Variants in RDX observed in about 807,000 individuals in gnomAD.
RDX encodes radixin.
A neutral mutation model predicts 83.7 loss-of-function variants in RDX; 32 were observed. The ratio of observed to expected loss-of-function variants is 0.38; its 90% CI spans 0.29 to 0.51. The LOEUF (loss-of-function observed/expected upper bound fraction) is 0.51. RDX is among the 20% of genes least tolerant of loss of function. The pLI is 0.87. For missense variants in RDX, 600 were observed against 689.9 expected (o/e 0.87, Z 1.46); for synonymous variants, 229 against 222.7 (o/e 1.03, Z -0.25).
chr11:110,186,888 T>G (rs1302824333), intron 15 of RDX, among the ~76,000 whole-genome samples: 7 of 152,098 alleles, frequency 4.6e-5, no homozygotes, highest in African/African-American at 1.7e-4. Flanking sequence ...CATGCAGGCA[T>G]TTTAGTCTCA....
At chr11:110,277,354 C>T (rs1181127573) in intron 2 of RDX, among the ~76,000 whole-genome samples, 1 of 152,134 alleles carries the variant, frequency 6.6e-6, no homozygotes, top group Non-Finnish European at 1.5e-5. Flanking sequence ...AAGCCTCACT[C>T]TGTCACCCAG....
At chr11:110,214,237 A>G (rs1455031089) in intron 14 of RDX, among the ~76,000 whole-genome samples, 2 of 149,968 alleles carry the variant, frequency 1.3e-5, no homozygotes, top group African/African-American at 2.5e-5. Flanking sequence ...AACACATGAA[A>G]AAATGCTCAT....
At chr11:110,288,864 CTCT>C (rs1861095107) in intron 1 of RDX, among the ~76,000 whole-genome samples, 2 of 152,140 alleles carry the variant, frequency 1.3e-5, no homozygotes, top group African/African-American at 4.8e-5. Flanking sequence ...ATAGTTTCCT[CTCT>C]TTTTTTATGT....
At chr11:110,261,512 T>C (rs1859804519) in intron 5 of RDX, among the ~76,000 whole-genome samples, 1 of 152,190 alleles carries the variant, frequency 6.6e-6, no homozygotes, top group Non-Finnish European at 1.5e-5. Flanking sequence ...ATAACCTAAT[T>C]ACTCATTTCC....
chr11:110,219,755 C>A (rs976321016), intron 14 of RDX, among the ~76,000 whole-genome samples: 7 of 152,084 alleles, frequency 4.6e-5, no homozygotes, highest in African/African-American at 1.7e-4. Context: ...GAGGGAAGAT[C>A]TTGAGTTTAA....
chr11:110,228,430 AAG>A (rs1389103015), downstream of RDX, among the ~76,000 whole-genome samples: 1 of 152,114 alleles, frequency 6.6e-6, no homozygotes, highest in Non-Finnish European at 1.5e-5. Context: ...GAACAGACTT[AAG>A]AGAGGAACCT....
At chr11:110,206,298 C>G (rs886872304) in intron 14 of RDX, among the ~76,000 whole-genome samples, 2 of 150,318 alleles carry the variant, frequency 1.3e-5, no homozygotes, top group Admixed American at 6.6e-5. Flanking sequence ...TCCAAATGTC[C>G]ACCATTGGGG....
intron 9 of RDX, among the ~76,000 whole-genome samples, chr11:110,249,180 T>A (rs1859229648): frequency 6.6e-6 from 1 of 152,182 alleles, no homozygotes. Flanking sequence ...GAATCAATAT[T>A]CAAATCACTA....
intron 1 of RDX, among the ~76,000 whole-genome samples, chr11:110,290,602 T>A (rs1407759232): frequency 6.6e-6 from 1 of 152,190 alleles, no homozygotes; most frequent in Non-Finnish European, 1.5e-5. Flanking sequence ...ATTTTACTCA[T>A]CTTTCCATTC....
In RDX at chr11:110,180,900, T is replaced by G. The variant is rs560852448; in HGVS notation, c.*32-5666A>C. Among the ~76,000 whole-genome samples, 16 of 152,214 alleles carry G rather than the reference T, an allele frequency of 1.1e-4. 1 individual carries two copies. The East Asian group carries it at 1.5e-3, about 15-fold the overall frequency. On this transcript the variant is annotated intron_variant, in intron 15 of 15. Transcript: ENST00000528498. ...CTCTTGGATGTGCCCCGTGTTATATTCCTCCACAGCATGAAACCTTCGGAT... is the reference window on the plus strand; with the variant it reads ...CTCTTGGATGTGCCCCGTGTTATATGCCTCCACAGCATGAAACCTTCGGAT...
intron 4 of RDX, 77 bp downstream of exon 4, chr11:110,264,700 CAG>C: frequency 1.9e-6 from 2 of 1,029,892 alleles, no homozygotes; most frequent in South Asian, 1.4e-5. Context: ...TGCAATCAGT[CAG>C]ACTTAGCTTT....
intron 1 of RDX, 139 bp from the exon 2 acceptor site, chr11:110,279,895 A>G: frequency 1.9e-6 from 1 of 519,286 alleles, no homozygotes; most frequent in Non-Finnish European, 3.4e-6. Context: ...TCTCATTTTC[A>G]ATATCTTCTA....
chr11:110,253,451 C>T (rs542267896), intron 9 of RDX, among the ~76,000 whole-genome samples: 2 of 152,094 alleles, frequency 1.3e-5, no homozygotes, highest in South Asian at 4.2e-4. Context: ...TAAAAATTAT[C>T]AATTTAATAT....
chr11:110,202,367 C>G (rs555879134), intron 14 of RDX, among the ~76,000 whole-genome samples: 1 of 152,004 alleles, frequency 6.6e-6, no homozygotes, highest in African/African-American at 2.4e-5. Context: ...ACATTCCAGC[C>G]TGGGCAAGAG....
At chr11:110,291,008 G>A (rs776624225) in intron 1 of RDX, among the ~76,000 whole-genome samples, 4 of 151,884 alleles carry the variant, frequency 2.6e-5, no homozygotes, top group African/African-American at 7.3e-5. Flanking sequence ...TTTGGGTGGG[G>A]GTAAAAAAAG....
At chr11:110,220,073 G>A (rs919057191) in intron 14 of RDX, among the ~76,000 whole-genome samples, 2 of 152,112 alleles carry the variant, frequency 1.3e-5, no homozygotes, top group African/African-American at 4.8e-5. Context: ...CTGCTTAGGA[G>A]CATGTCTTTC....
chr11:110,253,118 A>G (rs1321150413), intron 9 of RDX, among the ~76,000 whole-genome samples: 25 of 152,228 alleles, frequency 1.6e-4, no homozygotes, highest in Admixed American at 1.6e-3. Context: ...AAATCATTCA[A>G]TATAAAACCT....
At chr11:110,234,919 T>C (rs1223984865) in intron 12 of RDX, among the ~76,000 whole-genome samples, 1 of 152,224 alleles carries the variant, frequency 6.6e-6, no homozygotes, top group East Asian at 1.9e-4. Flanking sequence ...AAAAAAATTA[T>C]CTTTTCAGTT....
At chr11:110,178,808 C>T (rs1341195908) in intron 15 of RDX, among the ~76,000 whole-genome samples, 1 of 152,124 alleles carries the variant, frequency 6.6e-6, no homozygotes, top group Admixed American at 6.5e-5. Flanking sequence ...TGGGCCTTTA[C>T]AGATTATAAA....
Sources: gnomAD v4.1 joint callset for allele counts (sites outside exome capture counted in the v4.1 genomes callset) on GRCh38, gnomAD v4.1.1 for gene constraint, MANE v1.5 for transcripts, NCBI Gene and HGNC (gene_info 2026-07-23, HGNC 2026-07-21) for gene names.